Variants in AGO2 observed in about 807,000 individuals in gnomAD.
AGO2 encodes argonaute RISC catalytic component 2, also known as protein argonaute-2.
AGO2 carries 5 observed loss-of-function variants against 102.3 expected under a neutral mutation model. The observed-to-expected ratio is 0.05, with a 90% CI of 0.03 to 0.10. The LOEUF (loss-of-function observed/expected upper bound fraction) is 0.10, where lower values mean the gene tolerates loss of function less well. AGO2 is among the 10% of genes least tolerant of loss of function. The pLI is 1.00. For missense variants in AGO2, 541 were observed against 1,183.7 expected, an observed-to-expected ratio of 0.46 and a Z score of 7.97; for synonymous variants, 449 against 473.1, an observed-to-expected ratio of 0.95 and a Z score of 0.66.
intron 3 of AGO2, among the ~76,000 whole-genome samples, chr8:140,570,846 G>A (rs1426923800): frequency 1.3e-5 from 2 of 152,152 alleles, no homozygotes; most frequent in Non-Finnish European, 2.9e-5. Context: ...TTTCCACAAT[G>A]ACAGGTCTCA....
At position 140,629,475 on chromosome 8, in the gene AGO2, C is replaced by T. The variant is rs77589311; in HGVS notation, c.22+6010G>A. Among the ~76,000 whole-genome samples, 781 of 152,204 alleles carry T rather than the reference C, an allele frequency of 5.1e-3. 7 individuals are homozygous for T. Among genetic ancestry groups the T allele is most frequent in the African/African-American group, 0.018 (747 of 41,526 alleles). ...AACAGGCGAGAAAACTGAGACCACA[C>T]GAGGAGATGCGGACGGGGCTGCAGT... On this transcript the variant is annotated intron_variant, in intron 1 of 18. Coordinates refer to ENST00000220592, the MANE Select transcript of AGO2 (RefSeq NM_012154.5).
At chr8:140,639,124 C>T (rs970630273), upstream of AGO2, among the ~76,000 whole-genome samples, 1 of 152,160 alleles carries the variant, frequency 6.6e-6, no homozygotes, top group Non-Finnish European at 1.5e-5. Context: ...CAGCCTCAGC[C>T]CCCAAAGTGC....
chr8:140,584,193 T>C (rs1478928677), intron 2 of AGO2, among the ~76,000 whole-genome samples: 2 of 141,240 alleles, frequency 1.4e-5, no homozygotes, highest in Non-Finnish European at 3.0e-5. Context: ...CTGGAAATAA[T>C]ATATCACTTA....
At chr8:140,612,575 A>G (rs966011898) in intron 1 of AGO2, among the ~76,000 whole-genome samples, 1 of 152,044 alleles carries the variant, frequency 6.6e-6, no homozygotes, top group African/African-American at 2.4e-5. Flanking sequence ...AGCTTGGCCA[A>G]CATGGTGAAA....
At position 140,525,120 on chromosome 8, in the gene AGO2, A is replaced by G. The variant is rs948216228; in HGVS notation, c.*6924T>C. On this transcript the variant is annotated 3_prime_UTR_variant, in exon 19 of 19. Transcript: ENST00000220592. ...ACAGCATTTAAAAACCTAACAACAC[A>G]TCTAACATTTCCACACCAACCAATA... 2 of 152,258 alleles carry G rather than the reference A, an allele frequency of 1.3e-5. No homozygotes were observed. The highest frequency in any genetic ancestry group is 3.8e-4 in the East Asian group (2 of 5,204). 9.4% of individuals were successfully genotyped at this position (152,258 alleles called of 1,614,324 possible). A position where few individuals can be genotyped will look rare whatever the true frequency, so the allele number is the denominator to read the frequency against.
chr8:140,557,472 T>C lies in AGO2; in HGVS notation c.879-236A>G, dbSNP rs1323437302. Among the ~76,000 whole-genome samples, 2 of 152,178 alleles carry C rather than the reference T, an allele frequency of 1.3e-5. No homozygotes were observed. The highest frequency in any genetic ancestry group is 4.8e-5 in the African/African-American group (2 of 41,434). On this transcript the variant is annotated intron_variant, in intron 7 of 18. Coordinates refer to ENST00000220592, the MANE Select transcript of AGO2 (RefSeq NM_012154.5). The surrounding 1 kb of genome is among the most constrained non-coding windows in gnomAD (Gnocchi z 5.9). ...AAATACCTACATGCATCATTACTCA[T>C]AAATTATCCACAACGTCACAGTGTG...
rs188674298 is a variant in AGO2 at position 140,633,057 on chromosome 8, C to T, written c.22+2428G>A. 3.2e-4 allele frequency among the ~76,000 whole-genome samples: 49 copies of T among 152,108 alleles called. No homozygotes were observed. In the East Asian group the frequency reaches 9.1e-3, roughly 28 times the overall value. On this transcript the variant is annotated intron_variant, in intron 1 of 18. Coordinates refer to ENST00000220592, the MANE Select transcript of AGO2 (RefSeq NM_012154.5). ...CCTCCCGAGTAGCTGGGACTACAGG[C>T]GTGCACCACCACGCCCAGCTAATTT...
rs1480059313 is a variant in AGO2 at position 140,539,493 on chromosome 8, G to A, written c.2035-39C>T. 3.8e-6 allele frequency: 6 copies of A among 1,586,304 alleles called. No homozygotes were observed. Among genetic ancestry groups the A allele is most frequent in the Admixed American group, 1.8e-5 (1 of 56,616 alleles). On this transcript the variant is annotated intron_variant, in intron 15 of 18. Transcript: ENST00000220592. This position sits in a 1 kb window ranked among gnomAD's most constrained non-coding sequence, Gnocchi z 4.7. ...AGGGAGGAGGTTGTGCTTAAAGATGGTAGTGCATGTGAGCAACGGTCCCAC... is the reference window on the plus strand; with the variant it reads ...AGGGAGGAGGTTGTGCTTAAAGATGATAGTGCATGTGAGCAACGGTCCCAC...
Position 140,530,019 on chromosome 8 carries a change from T to C in AGO2, c.*2025A>G, listed in dbSNP as rs1478102093. 2 of 151,996 alleles carry C rather than the reference T, an allele frequency of 1.3e-5. No homozygotes were observed. The highest frequency in any genetic ancestry group is 4.8e-5 in the African/African-American group (2 of 41,326). The allele number at this position is 151,996 out of a possible 1,614,324, so 9.4% of individuals were successfully genotyped here. ...GTATCCTTCTGAAAACAGGAGAAAG[T>C]GCCACTTGCCACTAAAACAAAAGGA... On this transcript the variant is annotated 3_prime_UTR_variant, in exon 19 of 19. Coordinates refer to ENST00000220592, the MANE Select transcript of AGO2 (RefSeq NM_012154.5).
intron 3 of AGO2, among the ~76,000 whole-genome samples, chr8:140,564,700 T>C (rs2073252312): frequency 6.6e-6 from 1 of 152,236 alleles, no homozygotes. Flanking sequence ...CCCAGCACTT[T>C]GGGAGGCTGA....
the AGO2 span, among the ~76,000 whole-genome samples, chr8:140,640,957 G>T: frequency 6.6e-6 from 1 of 152,142 alleles, no homozygotes. Context: ...TGTGGATGTG[G>T]TGTATCCAGC....
rs992363600 is a variant in AGO2, at chr8:140,531,064, T to C, written c.*980A>G. 2 of 152,256 alleles carry C rather than the reference T, an allele frequency of 1.3e-5. No homozygotes were observed. Among genetic ancestry groups the C allele is most frequent in the Admixed American group, 1.3e-4 (2 of 15,266 alleles). 9.4% of individuals were successfully genotyped at this position (152,256 alleles called of 1,614,324 possible). A position where few individuals can be genotyped will look rare whatever the true frequency, so the allele number is the denominator to read the frequency against. On this transcript the variant is annotated 3_prime_UTR_variant, in exon 19 of 19. Transcript: ENST00000220592. ...TTAAGCACTAAGAACTGAGAGGCGG[T>C]CCCATCTCCAGGCTCCAAAACACTC... is the stretch of plus-strand genomic sequence containing the variant.
chr8:140,595,806 ATTGTATATATTATAT>A (rs1232761028), intron 1 of AGO2, among the ~76,000 whole-genome samples: 3 of 45,836 alleles, frequency 6.5e-5, no homozygotes, highest in African/African-American at 1.1e-4. Flanking sequence ...ATTATATACA[ATTGTATATATTATAT>A]TTATATTATA....
chr8:140,583,094 G>C (rs2073582664), intron 2 of AGO2, among the ~76,000 whole-genome samples: 1 of 152,210 alleles, frequency 6.6e-6, no homozygotes, highest in Admixed American at 6.5e-5. Context: ...GAGAAAGAGT[G>C]ATTTCTTCTC....
intron 4 of AGO2, 145 bp downstream of exon 4, chr8:140,562,308 G>T (rs1038841507): frequency 3.0e-6 from 3 of 987,980 alleles, no homozygotes; most frequent in Admixed American, 5.8e-5. Context: ...CACCATTTGT[G>T]TTATCTTCAT....
intron 11 of AGO2, 99 bp from the exon 12 acceptor site, chr8:140,549,397 C>A: frequency 7.9e-7 from 1 of 1,262,770 alleles, no homozygotes; most frequent in Non-Finnish European, 1.1e-6. Flanking sequence ...TTACAAAGCC[C>A]AAAGCACTTT....
intron 2 of AGO2, among the ~76,000 whole-genome samples, chr8:140,583,267 T>TGACA (rs980400063): frequency 3.9e-5 from 6 of 152,220 alleles, no homozygotes; most frequent in African/African-American, 1.4e-4. Flanking sequence ...GCCCCGCTAC[T>TGACA]GACACTCCAG....
intron 8 of AGO2, 39 bp from the exon 9 acceptor site, chr8:140,556,325 C>T (rs200206760): frequency 3.1e-6 from 5 of 1,609,160 alleles, no homozygotes; most frequent in Non-Finnish European, 4.2e-6. Flanking sequence ...CAGTGCCGCA[C>T]TGGAGTGACC....
At position 140,539,533 on chromosome 8, in the gene AGO2, TTGAGAA is replaced by T; in HGVS notation, c.2035-85_2035-80del. On this transcript the variant is annotated intron_variant, in intron 15 of 18. Coordinates refer to ENST00000220592, the MANE Select transcript of AGO2 (RefSeq NM_012154.5). The surrounding 1 kb of genome is among the most constrained non-coding windows in gnomAD (Gnocchi z 4.7). ...AACGGTCCCACGTGCGGGTTCTGGG[TTGAGAA>T]CACCCAGCCGTGGTGATTCTGAGAG... 6.7e-7 allele frequency: 1 copy of T among 1,495,206 alleles called. No individual in the cohort carries two copies. Among genetic ancestry groups the T allele is most frequent in the Non-Finnish European group, 9.1e-7 (1 of 1,101,894 alleles). The allele number at this position is 1,495,206 out of a possible 1,614,324, so 92.6% of individuals were successfully genotyped here.
Sources: gnomAD v4.1 joint callset for allele counts (sites outside exome capture counted in the v4.1 genomes callset) on GRCh38, gnomAD v4.1.1 for gene constraint, Gnocchi (gnomAD v3.1) non-coding constraint, MANE v1.5 for transcripts, NCBI Gene and HGNC (gene_info 2026-07-23, HGNC 2026-07-21) for gene names.